PRKN: variants seen among roughly 807,000 people sequenced by gnomAD.
PRKN encodes E3 ubiquitin-protein ligase parkin.
A neutral mutation model predicts 59.5 loss-of-function variants in PRKN; 56 were observed. The observed-to-expected ratio is 0.94, with a 90% CI of 0.76 to 1.18. The LOEUF (loss-of-function observed/expected upper bound fraction) is 1.18, where lower values mean the gene tolerates loss of function less well. PRKN is among the 50% of genes most tolerant of loss of function. The probability of loss-of-function intolerance (pLI) is 0.00; values close to 1 mark genes in which losing one functional copy is unlikely to be tolerated. For missense variants in PRKN, 657 were observed against 596.4 expected (o/e 1.10, Z -1.06); for synonymous variants, 250 against 222.1 (o/e 1.13, Z -1.12).
intron 3 of PRKN, among the ~76,000 whole-genome samples, chr6:162,204,709 G>GTTTTT (rs141650101): frequency 3.2e-5 from 4 of 125,916 alleles, no homozygotes; most frequent in Non-Finnish European, 3.7e-5. Flanking sequence ...TTATTCAGAA[G>GTTTTT]TTTTGTTTTT....
chr6:162,490,890 T>C (rs1792779201), intron 1 of PRKN, among the ~76,000 whole-genome samples: 1 of 152,050 alleles, frequency 6.6e-6, no homozygotes, highest in African/African-American at 2.4e-5. Context: ...TCCCAGCACT[T>C]TGGGAAGCCA....
chr6:161,493,065 T>C (rs181611172), intron 9 of PRKN, among the ~76,000 whole-genome samples: 10 of 152,276 alleles, frequency 6.6e-5, no homozygotes, highest in Admixed American at 1.3e-4. Context: ...CCACCAAAGA[T>C]AAAAATAATA....
chr6:162,720,047 C>T (rs1362848417), intron 1 of PRKN, among the ~76,000 whole-genome samples: 1 of 152,070 alleles, frequency 6.6e-6, no homozygotes, highest in Non-Finnish European at 1.5e-5. Context: ...ATCTACTCTG[C>T]GGGTACAATA....
At chr6:161,734,046 G>A (rs1174292906) in intron 7 of PRKN, among the ~76,000 whole-genome samples, 4 of 150,218 alleles carry the variant, frequency 2.7e-5, no homozygotes, top group East Asian at 3.9e-4. Context: ...CAACAAAGAA[G>A]TGTATCATAA....
At chr6:162,707,083 G>C (rs1372310393) in intron 1 of PRKN, among the ~76,000 whole-genome samples, 3 of 151,768 alleles carry the variant, frequency 2.0e-5, no homozygotes, top group African/African-American at 7.3e-5. Context: ...TAAATTCTAA[G>C]TTAAATTTCT....
At chr6:162,501,638 G>T (rs1316904343) in intron 1 of PRKN, among the ~76,000 whole-genome samples, 1 of 151,802 alleles carries the variant, frequency 6.6e-6, no homozygotes, top group East Asian at 1.9e-4. Context: ...TTACAGGTGT[G>T]AGCCACCGCG....
intron 6 of PRKN, among the ~76,000 whole-genome samples, chr6:161,836,208 A>G (rs151317668): frequency 6.6e-6 from 1 of 152,284 alleles, no homozygotes; most frequent in Non-Finnish European, 1.5e-5. Flanking sequence ...ATGCAGTAGT[A>G]TTCGCTTGCT....
At chr6:162,065,596 G>C (rs889154356) in intron 4 of PRKN, among the ~76,000 whole-genome samples, 1 of 150,640 alleles carries the variant, frequency 6.6e-6, no homozygotes, top group Admixed American at 6.6e-5. Flanking sequence ...TATATGTTAA[G>C]TTCTAGGGTA....
In PRKN at chr6:161,561,747, C is replaced by T. The variant is rs556554684; in HGVS notation, c.933+7608G>A. The stretch of plus-strand genomic sequence containing the variant: ...ACCGGTAATTCATCTCTGTGGAATC[C>T]TTCCTGTGAGTGTAAAACAAGTTCT... On this transcript the variant is annotated intron_variant, in intron 8 of 11. Transcript: ENST00000366898. The surrounding 1 kb of genome is among the most constrained non-coding windows in gnomAD (Gnocchi z 5.0). 6.0e-4 allele frequency among the ~76,000 whole-genome samples: 92 copies of T among 152,248 alleles called. 1 individual carries two copies. Among genetic ancestry groups the T allele is most frequent in the Admixed American group, 1.4e-3 (22 of 15,292 alleles).
At chr6:162,665,972 G>A (rs1374488692) in intron 1 of PRKN, among the ~76,000 whole-genome samples, 2 of 152,092 alleles carry the variant, frequency 1.3e-5, no homozygotes, top group African/African-American at 4.8e-5. Flanking sequence ...AAACTGGCTC[G>A]ACATATGCGG....
chr6:162,490,707 G>A (rs778693231), intron 1 of PRKN, among the ~76,000 whole-genome samples: 6 of 152,210 alleles, frequency 3.9e-5, no homozygotes, highest in Non-Finnish European at 7.4e-5. Flanking sequence ...ATCACATTTC[G>A]TGAATGGACA....
At position 161,352,013 on chromosome 6, in the gene PRKN, A is replaced by G. The variant is rs562922359; in HGVS notation, c.1286-1802T>C. Among the ~76,000 whole-genome samples the G allele has an allele frequency of 6.6e-6, 1 of 152,312 alleles. No individual in the cohort carries two copies. Among genetic ancestry groups the G allele is most frequent in the Non-Finnish European group, 1.5e-5 (1 of 68,028 alleles). ...GCCCTGCTTCAGTCGCTGTGGGGGA[A>G]CTGAAGGGAGGAGGAAGTGATTTGT... On this transcript the variant is annotated intron_variant, in intron 11 of 11. Coordinates refer to ENST00000366898, the MANE Select transcript of PRKN (RefSeq NM_004562.3). The surrounding 1 kb of genome is among the most constrained non-coding windows in gnomAD (Gnocchi z 5.8).
chr6:162,513,753 T>C (rs1194912254), intron 1 of PRKN, among the ~76,000 whole-genome samples: 1 of 152,032 alleles, frequency 6.6e-6, no homozygotes, highest in Non-Finnish European at 1.5e-5. Context: ...ACTGTCCTCA[T>C]TCTTTTGAAA....
At position 161,444,904 on chromosome 6, in the gene PRKN, A is replaced by AT. The variant is rs529814596; in HGVS notation, c.1084-58028dup. On this transcript the variant is annotated intron_variant, in intron 9 of 11. Coordinates refer to ENST00000366898, the MANE Select transcript of PRKN (RefSeq NM_004562.3). This position sits in a 1 kb window ranked among gnomAD's most constrained non-coding sequence, Gnocchi z 5.6. ...TTGCTAAGGTATGTAATAGTTATTT[A>AT]TTTTTAAAAAAAGCCAGTACCTCTC... is the stretch of plus-strand genomic sequence containing the variant. 2.0e-5 allele frequency among the ~76,000 whole-genome samples: 3 copies of AT among 151,956 alleles called. No homozygotes were observed. In the East Asian group the frequency reaches 5.9e-4, roughly 30 times the overall value.
chr6:162,464,605 G>A (rs1791329546), intron 1 of PRKN, among the ~76,000 whole-genome samples: 1 of 149,536 alleles, frequency 6.7e-6, no homozygotes, highest in African/African-American at 2.5e-5. Context: ...CACGAGGTCA[G>A]GAGATCAAGA....
In PRKN at chr6:162,132,012, A is replaced by G. The variant is rs555411600; in HGVS notation, c.534+69119T>C. Among the ~76,000 whole-genome samples, 3 of 152,300 alleles carry G rather than the reference A, an allele frequency of 2.0e-5. No individual in the cohort carries two copies. In the East Asian group the frequency reaches 5.8e-4, roughly 29 times the overall value. On this transcript the variant is annotated intron_variant, in intron 4 of 11. Coordinates refer to ENST00000366898, the MANE Select transcript of PRKN (RefSeq NM_004562.3). ...ATGGTTAACTGATCACTTACAGATA[A>G]CATGCCATGACAGCTCATAGGATAA...
At chr6:162,671,933 G>A (rs957348269) in intron 1 of PRKN, among the ~76,000 whole-genome samples, 1 of 152,026 alleles carries the variant, frequency 6.6e-6, no homozygotes, top group Non-Finnish European at 1.5e-5. Flanking sequence ...GACGGAGGCA[G>A]ACACCAGGGC....
chr6:162,489,331 T>C (rs1335146060), intron 1 of PRKN, among the ~76,000 whole-genome samples: 2 of 152,214 alleles, frequency 1.3e-5, no homozygotes, highest in African/African-American at 2.4e-5. Flanking sequence ...AGCATACATT[T>C]AGCTTGTTTC....
chr6:161,897,984 A>AAAT lies in PRKN; in HGVS notation c.734+75317_734+75318insATT, dbSNP rs1554244227. 1.4e-3 allele frequency among the ~76,000 whole-genome samples: 165 copies of AAAT among 117,662 alleles called. 28 individuals are homozygous for AAAT. The highest frequency in any genetic ancestry group is 4.2e-3 in the Middle Eastern group (1 of 236). 77.2% of individuals were successfully genotyped at this position (117,662 alleles called of 152,430 possible). On this transcript the variant is annotated intron_variant, in intron 6 of 11. Transcript: ENST00000366898. ...TCCGTCTCAAAAAAAAAAAAAAAAA[A>AAAT]GTCTCCCAGTTGCATAGAAAAGGTT...
Sources: gnomAD v4.1 joint callset for allele counts (sites outside exome capture counted in the v4.1 genomes callset) on GRCh38, gnomAD v4.1.1 for gene constraint, Gnocchi (gnomAD v3.1) non-coding constraint, MANE v1.5 for transcripts, NCBI Gene and HGNC (gene_info 2026-07-23, HGNC 2026-07-21) for gene names.